ABL1: variants seen among roughly 807,000 people sequenced by gnomAD.
The protein encoded by ABL1 is tyrosine-protein kinase ABL1.
Under a neutral mutation model 94.7 loss-of-function variants are expected in ABL1, and 11 were observed. That is an observed-to-expected ratio of 0.12 (90% CI 0.07 to 0.19). The LOEUF (loss-of-function observed/expected upper bound fraction) is 0.19, where lower values mean the gene tolerates loss of function less well. Ranked by LOEUF, ABL1 falls within the 10% of genes least tolerant of loss-of-function variation. The pLI, the probability that ABL1 is intolerant of heterozygous loss-of-function variation, is 1.00. For synonymous variants in ABL1, 656 were observed against 622.4 expected, an observed-to-expected ratio of 1.05 and a Z score of -0.80; for missense variants, 1,082 against 1,489.4, an observed-to-expected ratio of 0.73 and a Z score of 4.50.
At chr9:130,740,426 G>A (rs79399504) in intron 1 of ABL1, among the ~76,000 whole-genome samples, 1 of 152,304 alleles carries the variant, frequency 6.6e-6, no homozygotes, top group East Asian at 1.9e-4. Flanking sequence ...TTCCAAAGGC[G>A]CCCCAGACAT....
intron 1 of ABL1, among the ~76,000 whole-genome samples, chr9:130,846,825 C>T (rs1342780830): frequency 6.6e-6 from 1 of 152,204 alleles, no homozygotes; most frequent in Non-Finnish European, 1.5e-5. Flanking sequence ...GTCCGAGAAT[C>T]TTTTGTAAAC....
chr9:130,784,411 T>G (rs548795105), intron 1 of ABL1, among the ~76,000 whole-genome samples: 3 of 152,358 alleles, frequency 2.0e-5, no homozygotes, highest in African/African-American at 7.2e-5. Flanking sequence ...TCATAAGTCA[T>G]CATCTAGAAA....
At chr9:130,809,417 A>AGAGAGAGAGTGTGT (rs1389499231) in intron 1 of ABL1, among the ~76,000 whole-genome samples, 2 of 84,306 alleles carry the variant, frequency 2.4e-5, no homozygotes, top group South Asian at 1.1e-3. Flanking sequence ...AGAGAGAGAG[A>AGAGAGAGAGTGTGT]GTGTGTGTGT....
chr9:130,754,676 G>C (rs12005057), intron 1 of ABL1, among the ~76,000 whole-genome samples: 102 of 104,678 alleles, frequency 9.7e-4, no homozygotes, highest in Non-Finnish European at 4.6e-4. Context: ...TCAAGTAATG[G>C]GGGGGGCTTG....
At chr9:130,714,336 G>C (rs749529951) in exon 1 of ABL1, 2 of 1,610,594 alleles carry the variant, frequency 1.2e-6, no homozygotes, top group South Asian at 2.2e-5. Flanking sequence ...CAGCAGCCTG[G>C]AAAAGTACTT....
rs1323869136 is a variant in ABL1 at position 130,840,796 on chromosome 9, G to A, written c.79+5271G>A. On this transcript the variant is annotated intron_variant, in intron 1 of 10. Transcript: ENST00000318560. ...AGCCTCCCAAAGTGCTGGGATTACA[G>A]GCATGAGCCACTGCACCCAGCCTAA... Among the ~76,000 whole-genome samples the A allele has an allele frequency of 2.6e-5, 4 of 152,160 alleles. No individual in the cohort carries two copies. The South Asian group carries it at 8.3e-4, about 32-fold the overall frequency.
chr9:130,762,618 C>T (rs539082541), intron 1 of ABL1, among the ~76,000 whole-genome samples: 2 of 151,906 alleles, frequency 1.3e-5, no homozygotes, highest in African/African-American at 4.8e-5. Flanking sequence ...CATATGAAAA[C>T]CTGAATAATC....
In ABL1 at chr9:130,854,256, G is replaced by GC; in HGVS notation, c.253+20dup. On this transcript the variant is annotated intron_variant, in intron 2 of 10. Coordinates refer to ENST00000318560, the MANE Select transcript of ABL1 (RefSeq NM_005157.6). Reference sequence around the variant, plus strand: ...ACTAAAGGTAAAAGGGTTGTGGGCAGCTAGTGGTGGTTGCAGGAGATAGAA... The same window carrying GC: ...ACTAAAGGTAAAAGGGTTGTGGGCAGCCTAGTGGTGGTTGCAGGAGATAGAA... 6.2e-7 allele frequency: 1 copy of GC among 1,608,438 alleles called. No individual in the cohort carries two copies.
chr9:130,835,661 CTTCT>C lies in ABL1; in HGVS notation c.79+137_79+140del. 1 of 12,318 alleles carries C rather than the reference CTTCT, an allele frequency of 8.1e-5. No homozygotes were observed. The highest frequency in any genetic ancestry group is 1.6e-4 in the Non-Finnish European group (1 of 6,306). 0.8% of individuals were successfully genotyped at this position (12,318 alleles called of 1,614,324 possible). ...CTTGTCTTTTTTTTCTTTCTTCCCT[CTTCT>C]CTTCTCTTCTCTTCAGTTCTCTTAT... is the stretch of plus-strand genomic sequence containing the variant. On this transcript the variant is annotated intron_variant, in intron 1 of 10. Coordinates refer to ENST00000318560, the MANE Select transcript of ABL1 (RefSeq NM_005157.6). This position sits in a 1 kb window ranked among gnomAD's most constrained non-coding sequence, Gnocchi z 4.6.
intron 1 of ABL1, among the ~76,000 whole-genome samples, chr9:130,796,297 T>C (rs1829972869): frequency 1.3e-5 from 2 of 152,268 alleles, no homozygotes. Context: ...CCGAGGCAAG[T>C]GGATTGCTTG....
intron 1 of ABL1, among the ~76,000 whole-genome samples, chr9:130,763,231 C>T (rs1832139056): frequency 6.6e-6 from 1 of 151,772 alleles, no homozygotes; most frequent in Non-Finnish European, 1.5e-5. Flanking sequence ...GTGAAGTGAC[C>T]CCATAATACA....
intron 4 of ABL1, among the ~76,000 whole-genome samples, chr9:130,868,087 G>A (rs1168678225): frequency 6.6e-6 from 1 of 152,040 alleles, no homozygotes; most frequent in South Asian, 2.1e-4. Context: ...AGCCTCCCGA[G>A]TAGCTGGGAC....
chr9:130,800,231 T>G (rs1161112766), intron 1 of ABL1, among the ~76,000 whole-genome samples: 1 of 152,024 alleles, frequency 6.6e-6, no homozygotes, highest in Non-Finnish European at 1.5e-5. Flanking sequence ...GTGATTATTT[T>G]TTAAAGTACT....
intron 1 of ABL1, among the ~76,000 whole-genome samples, chr9:130,772,778 G>A (rs1186943583): frequency 6.6e-6 from 1 of 152,222 alleles, no homozygotes; most frequent in Non-Finnish European, 1.5e-5. Flanking sequence ...CTGAATGCTT[G>A]CCCAAGGGGC....
chr9:130,884,986 C>G lies in ABL1; in HGVS notation c.2696C>G (p.Pro899Arg). 1 of 1,610,982 alleles carries G rather than the reference C, an allele frequency of 6.2e-7. No individual in the cohort carries two copies. Among genetic ancestry groups the G allele is most frequent in the Non-Finnish European group, 8.5e-7 (1 of 1,179,314 alleles). The change falls in exon 11 of 11, where the codon CCG becomes CGG. Residue 899 changes from proline (P) to arginine (R), a missense_variant. Transcript: ENST00000318560. This position sits in a 1 kb window ranked among gnomAD's most constrained non-coding sequence, Gnocchi z 5.6. Reference sequence around the variant, plus strand: ...AAATTGTCCAGGCTCAAACCTGCCCCGCCGCCCCCACCAGCAGCCTCTGCA... The same window carrying G: ...AAATTGTCCAGGCTCAAACCTGCCCGGCCGCCCCCACCAGCAGCCTCTGCA... ...KGKLSRLKPA[P>R]PPPPAASAGK...
intron 1 of ABL1, among the ~76,000 whole-genome samples, chr9:130,775,925 A>G (rs1832305793): frequency 6.6e-6 from 1 of 152,224 alleles, no homozygotes; most frequent in Non-Finnish European, 1.5e-5. Context: ...GTATCTTAAA[A>G]GCGCTGAGAG....
At chr9:130,756,482 T>G (rs910309187) in intron 1 of ABL1, among the ~76,000 whole-genome samples, 4 of 152,156 alleles carry the variant, frequency 2.6e-5, no homozygotes, top group African/African-American at 9.7e-5. Context: ...ACAGCAAAAT[T>G]GGTGCCTTTT....
At position 130,726,351 on chromosome 9, in the gene ABL1, T is replaced by C. The variant is rs900811246; in HGVS notation, c.136+11896T>C. 2.0e-5 allele frequency among the ~76,000 whole-genome samples: 3 copies of C among 152,278 alleles called. No individual in the cohort carries two copies. In the East Asian group the frequency reaches 5.8e-4, roughly 29 times the overall value. ...CTCCTGCCTTCCTCCTCCTCAGAGATAACTACTGTCTTACGTTTTAGCACC... is the reference window on the plus strand; with the variant it reads ...CTCCTGCCTTCCTCCTCCTCAGAGACAACTACTGTCTTACGTTTTAGCACC... On this transcript the variant is annotated intron_variant, in intron 1 of 10. Coordinates refer to the ABL1 transcript ENST00000372348.
intron 1 of ABL1, among the ~76,000 whole-genome samples, chr9:130,769,355 T>G (rs1773342974): frequency 7.5e-6 from 1 of 133,328 alleles, no homozygotes; most frequent in South Asian, 2.5e-4. Context: ...TTTTTTTGAG[T>G]TGGAGTTTCG....
Sources: allele counts gnomAD v4.1 joint callset (sites outside exome capture counted in the v4.1 genomes callset), GRCh38; gene constraint gnomAD v4.1.1; non-coding constraint Gnocchi (gnomAD v3.1); transcripts MANE v1.5; gene names NCBI Gene and HGNC (gene_info 2026-07-23, HGNC 2026-07-21).